Variants in DMD observed in about 807,000 individuals in gnomAD.
DMD encodes mutant dystrophin.
A neutral mutation model predicts 330.1 loss-of-function variants in DMD; 63 were observed. The observed-to-expected ratio is 0.19, with a 90% CI of 0.16 to 0.24. The LOEUF is 0.24. Ranked by LOEUF, DMD falls within the 10% of genes least tolerant of loss-of-function variation. The pLI is 1.00. For missense variants in DMD, 3,344 were observed against 2,684.1 expected (o/e 1.25, Z -5.43); for synonymous variants, 1,223 against 959.8 (o/e 1.27, Z -5.07).
In DMD at chrX:31,307,467, A is replaced by G. The variant is rs754589463; in HGVS notation, c.9224+16131T>C. 1.6e-3 allele frequency among the ~76,000 whole-genome samples: 179 copies of G among 111,800 alleles called. 1 individual carries two copies. The highest frequency in any genetic ancestry group is 5.4e-3 in the African/African-American group (168 of 30,833). On this transcript the variant is annotated intron_variant, in intron 62 of 78. Coordinates refer to ENST00000357033, the MANE Select transcript of DMD (RefSeq NM_004006.3). Reference sequence around the variant, plus strand: ...ATATAATGATGCCTTTTGCTACTCTATAGTGCTTTCAGTAAAAAGAAATGG... The same window carrying G: ...ATATAATGATGCCTTTTGCTACTCTGTAGTGCTTTCAGTAAAAAGAAATGG...
chrX:33,210,133 A>C (rs2051814816), intron 1 of DMD, among the ~76,000 whole-genome samples: 1 of 111,115 alleles, frequency 9.0e-6, no homozygotes, highest in African/African-American at 3.3e-5. Flanking sequence ...AATGTAAGTA[A>C]ATATTGTATT....
chrX:32,853,769 GAA>G (rs1162458210), intron 2 of DMD, among the ~76,000 whole-genome samples: 10 of 56,083 alleles, frequency 1.8e-4, no homozygotes, highest in Non-Finnish European at 3.1e-4. Flanking sequence ...CACAGTGACA[GAA>G]AAAAAAAAAA....
chrX:32,540,006 ATTATCT>A (rs1264420526), intron 17 of DMD, among the ~76,000 whole-genome samples: 1 of 111,881 alleles, frequency 8.9e-6, no homozygotes, highest in Non-Finnish European at 1.9e-5. Context: ...CTTGGGGGAA[ATTATCT>A]TTATTAAGAT....
intron 9 of DMD, among the ~76,000 whole-genome samples, chrX:32,692,419 G>T (rs1418601951): frequency 9.0e-6 from 1 of 111,341 alleles, no homozygotes; most frequent in Non-Finnish European, 1.9e-5. Flanking sequence ...GGTCTCCCTG[G>T]CTGGCTTCCC....
intron 47 of DMD, among the ~76,000 whole-genome samples, chrX:31,899,544 G>T (rs1436645185): frequency 9.0e-6 from 1 of 111,061 alleles, no homozygotes; most frequent in Non-Finnish European, 1.9e-5. Flanking sequence ...GGTAAATATC[G>T]ATACAACTAT....
chrX:31,799,941 C>A (rs2091986216), intron 50 of DMD, among the ~76,000 whole-genome samples: 1 of 112,935 alleles, frequency 8.9e-6, no homozygotes, highest in Non-Finnish European at 1.9e-5. Context: ...ACATGTCTCA[C>A]ATCCAGGTCA....
chrX:32,390,530 A>G (rs1279736658), intron 30 of DMD, among the ~76,000 whole-genome samples: 1 of 111,967 alleles, frequency 8.9e-6, no homozygotes, highest in African/African-American at 3.2e-5. Context: ...TTTATATATT[A>G]TATGTAGAAT....
At chrX:33,078,243 C>T (rs2094875268) in intron 1 of DMD, among the ~76,000 whole-genome samples, 1 of 111,565 alleles carries the variant, frequency 9.0e-6, no homozygotes, top group Non-Finnish European at 1.9e-5. Flanking sequence ...GGCCAGATTC[C>T]CCAACGGGCT....
In DMD at chrX:32,514,881, G is replaced by A. The variant is rs148797164; in HGVS notation, c.2292+3127C>T. 3.0e-3 allele frequency among the ~76,000 whole-genome samples: 333 copies of A among 112,646 alleles called. 2 individuals carry two copies. The highest frequency in any genetic ancestry group is 0.01 in the African/African-American group (315 of 30,971). On this transcript the variant is annotated intron_variant, in intron 18 of 78. Transcript: ENST00000357033. ...TGATAGCAGGAGAGCCCACAGGGATGCTGAAATAACTAAGAATGAAAGAAC... is the reference window on the plus strand; with the variant it reads ...TGATAGCAGGAGAGCCCACAGGGATACTGAAATAACTAAGAATGAAAGAAC...
chrX:31,140,107 A>G (rs1218953363), intron 76 of DMD, among the ~76,000 whole-genome samples: 1 of 112,559 alleles, frequency 8.9e-6, no homozygotes, highest in Non-Finnish European at 1.9e-5. Context: ...CCATGGCAAG[A>G]TATTCTTCAG....
At chrX:33,205,656 A>G (rs1287832551) in intron 1 of DMD, among the ~76,000 whole-genome samples, 1 of 112,251 alleles carries the variant, frequency 8.9e-6, no homozygotes, top group African/African-American at 3.2e-5. Flanking sequence ...AGAACGCTTT[A>G]AAACAAAACA....
At position 31,937,450 on chromosome X, in the gene DMD, A is replaced by T. The variant is rs1040576235; in HGVS notation, c.6615-5223T>A. Reference sequence around the variant, plus strand: ...TTTTTTTCCAGTGATTTAATTTTTTAAAAAAACAGCATCTTTTAAATATGA... The same window carrying T: ...TTTTTTTCCAGTGATTTAATTTTTTTAAAAAACAGCATCTTTTAAATATGA... On this transcript the variant is annotated intron_variant, in intron 45 of 78. Transcript: ENST00000357033. 2.8e-4 allele frequency among the ~76,000 whole-genome samples: 31 copies of T among 111,748 alleles called. 1 individual carries two copies. The highest frequency in any genetic ancestry group is 1.3e-4 in the Non-Finnish European group (7 of 52,923).
intron 44 of DMD, among the ~76,000 whole-genome samples, chrX:31,982,446 A>G (rs1385245379): frequency 9.0e-6 from 1 of 111,692 alleles, no homozygotes; most frequent in African/African-American, 3.3e-5. Context: ...GGGAACCTAC[A>G]CAGGAGGGAG....
chrX:31,614,323 C>T (rs1266737931), intron 55 of DMD, among the ~76,000 whole-genome samples: 1 of 111,748 alleles, frequency 8.9e-6, no homozygotes, highest in Non-Finnish European at 1.9e-5. Flanking sequence ...CTGCTTCCTG[C>T]AGAGAATAAC....
intron 44 of DMD, among the ~76,000 whole-genome samples, chrX:32,007,556 T>C (rs1178145768): frequency 9.0e-6 from 1 of 111,138 alleles, no homozygotes; most frequent in Non-Finnish European, 1.9e-5. Context: ...GCCAAGTGCA[T>C]ACGAAATTTG....
At chrX:31,861,584 T>TAAA (rs55938260) in intron 48 of DMD, among the ~76,000 whole-genome samples, 1 of 81,595 alleles carries the variant, frequency 1.2e-5, no homozygotes, top group Non-Finnish European at 2.4e-5. Context: ...TATGCAACTG[T>TAAA]AAAAAAAAAA....
At chrX:33,237,939 C>T (rs1230554521) in intron 1 of DMD, among the ~76,000 whole-genome samples, 2 of 112,138 alleles carry the variant, frequency 1.8e-5, no homozygotes, top group African/African-American at 6.5e-5. Context: ...TTCTTTTAAA[C>T]TAAACATAAT....
chrX:32,406,339 A>G (rs1301590023), intron 30 of DMD, among the ~76,000 whole-genome samples: 2 of 111,424 alleles, frequency 1.8e-5, no homozygotes, highest in African/African-American at 6.5e-5. Flanking sequence ...CCAGTTTTCA[A>G]AGGGAATGCT....
At chrX:31,468,580 C>T (rs896870224) in intron 59 of DMD, among the ~76,000 whole-genome samples, 1 of 111,232 alleles carries the variant, frequency 9.0e-6, no homozygotes, top group Non-Finnish European at 1.9e-5. Context: ...GTTTTACTTC[C>T]AATTATGTGG....
Sources: allele counts gnomAD v4.1 joint callset (sites outside exome capture counted in the v4.1 genomes callset), GRCh38; gene constraint gnomAD v4.1.1; transcripts MANE v1.5; gene names NCBI Gene and HGNC (gene_info 2026-07-23, HGNC 2026-07-21).